SLC25A53: variants seen among roughly 807,000 people sequenced by gnomAD.
The protein encoded by SLC25A53 is mitochondrial carrier triple repeat protein 6.
Under a neutral mutation model 15.0 loss-of-function variants are expected in SLC25A53, and 5 were observed. The observed-to-expected ratio is 0.33, with a 90% CI of 0.17 to 0.70. The LOEUF (loss-of-function observed/expected upper bound fraction) is 0.70, where lower values mean the gene tolerates loss of function less well. Among genes scored for constraint, SLC25A53 ranks in the 30% least tolerant of loss-of-function variants. The pLI is 0.67. For synonymous variants in SLC25A53, 95 were observed against 100.0 expected (o/e 0.95, Z 0.30); for missense variants, 216 against 241.6 (o/e 0.89, Z 0.70).
chrX:104,138,416 G>T (rs2075442483), intron 1 of SLC25A53, among the ~76,000 whole-genome samples: 1 of 112,279 alleles, frequency 8.9e-6, no homozygotes, highest in Admixed American at 9.4e-5. Flanking sequence ...CTTCTTCAGT[G>T]CCCCACTGCT....
chrX:104,156,009 G>A (rs1013015583), intron 1 of SLC25A53, among the ~76,000 whole-genome samples: 23 of 100,825 alleles, frequency 2.3e-4, no homozygotes, highest in Admixed American at 6.7e-4. Context: ...CGGAGATCAC[G>A]CCACTGCATT....
rs189939925 is a variant in SLC25A53 at position 104,128,913 on chromosome X, C to T, written c.-31-23625G>A. Among the ~76,000 whole-genome samples the T allele has an allele frequency of 5.8e-3, 645 of 111,705 alleles. 3 individuals carry two copies. Among genetic ancestry groups the T allele is most frequent in the Non-Finnish European group, 8.7e-3 (462 of 53,116 alleles). Reference sequence around the variant, plus strand: ...CCTAGTGGAAATACAGGTTTAGATTCCTGGGAGCCTCTGGTTGCATTCCTT... The same window carrying T: ...CCTAGTGGAAATACAGGTTTAGATTTCTGGGAGCCTCTGGTTGCATTCCTT... On this transcript the variant is annotated intron_variant, in intron 1 of 1. Transcript: ENST00000594199.
chrX:104,148,100 A>G (rs1264982115), intron 1 of SLC25A53, among the ~76,000 whole-genome samples: 1 of 110,017 alleles, frequency 9.1e-6, no homozygotes, highest in Non-Finnish European at 1.9e-5. Flanking sequence ...GCACATATAC[A>G]CCATGGAATA....
intron 1 of SLC25A53, among the ~76,000 whole-genome samples, chrX:104,150,410 A>T: frequency 9.0e-6 from 1 of 111,150 alleles, no homozygotes; most frequent in Non-Finnish European, 1.9e-5. Flanking sequence ...GCAACCACTG[A>T]CATGTGGCAA....
At chrX:104,148,059 C>G (rs1158452132) in intron 1 of SLC25A53, among the ~76,000 whole-genome samples, 1 of 110,783 alleles carries the variant, frequency 9.0e-6, no homozygotes, top group Non-Finnish European at 1.9e-5. Flanking sequence ...CCCAAATGTC[C>G]AACAATGATA....
chrX:104,101,385 G>A lies in SLC25A53; in HGVS notation c.*2949C>T, dbSNP rs1262504751. 2 of 111,743 alleles carry A rather than the reference G, an allele frequency of 1.8e-5. No homozygotes were observed. Among genetic ancestry groups the A allele is most frequent in the Admixed American group, 9.5e-5 (1 of 10,575 alleles). 9.2% of individuals were successfully genotyped at this position (111,743 alleles called of 1,213,427 possible). On this transcript the variant is annotated 3_prime_UTR_variant, in exon 2 of 2. Coordinates refer to ENST00000594199, the MANE Select transcript of SLC25A53 (RefSeq NM_001012755.5). Reference sequence around the variant, plus strand: ...CATCCCTCTCCCCTCCCTGGAGGTCGGGAATGAGGCTGTTAAGTCCCAACC... The same window carrying A: ...CATCCCTCTCCCCTCCCTGGAGGTCAGGAATGAGGCTGTTAAGTCCCAACC...
intron 1 of SLC25A53, among the ~76,000 whole-genome samples, chrX:104,118,522 T>C (rs2075384607): frequency 8.8e-6 from 1 of 113,246 alleles, no homozygotes; most frequent in Non-Finnish European, 1.9e-5. Flanking sequence ...GCCAAGCCTT[T>C]AAAATGCATT....
chrX:104,099,718 G>A lies in SLC25A53; in HGVS notation c.*4616C>T, dbSNP rs2075273009. The A allele has an allele frequency of 9.0e-6, 1 of 111,683 alleles. No homozygotes were observed. Among genetic ancestry groups the A allele is most frequent in the South Asian group, 3.8e-4 (1 of 2,655 alleles). 9.2% of individuals were successfully genotyped at this position (111,683 alleles called of 1,213,427 possible). On this transcript the variant is annotated 3_prime_UTR_variant, in exon 2 of 2. Coordinates refer to ENST00000594199, the MANE Select transcript of SLC25A53 (RefSeq NM_001012755.5). ...ATTATTATTACAAAAGTCAGCATGG[G>A]GGCTACACCTAAGATGGAGGGAGCG...
chrX:104,118,473 G>C (rs2075384363), intron 1 of SLC25A53, among the ~76,000 whole-genome samples: 1 of 112,643 alleles, frequency 8.9e-6, no homozygotes, highest in African/African-American at 3.2e-5. Context: ...CACTGCAAGT[G>C]CGATTTATTC....
chrX:104,101,974 G>T lies in SLC25A53; in HGVS notation c.*2360C>A, dbSNP rs1219987575. On this transcript the variant is annotated 3_prime_UTR_variant, in exon 2 of 2. Transcript: ENST00000594199. ...AAGTGGAAATCACCAGTGTACTTGG[G>T]AGATGAATGCATCTTTTTCCTTTCC... is the stretch of plus-strand genomic sequence containing the variant. 3 of 112,234 alleles carry T rather than the reference G, an allele frequency of 2.7e-5. No individual in the cohort carries two copies. The highest frequency in any genetic ancestry group is 3.8e-5 in the Non-Finnish European group (2 of 53,239). 9.2% of individuals were successfully genotyped at this position (112,234 alleles called of 1,213,427 possible).
intron 1 of SLC25A53, among the ~76,000 whole-genome samples, chrX:104,130,159 C>G (rs937870966): frequency 1.6e-4 from 18 of 110,981 alleles, no homozygotes; most frequent in Admixed American, 5.8e-4. Flanking sequence ...GACCATACAT[C>G]CTTCTGGGGA....
rs907325269 is a variant in SLC25A53 at position 104,156,657 on chromosome X, G to A, written c.-32+221C>T. Among the ~76,000 whole-genome samples the A allele has an allele frequency of 1.0e-4, 11 of 109,950 alleles. No individual in the cohort carries two copies. The Admixed American group carries it at 1.1e-3, about 11-fold the overall frequency. On this transcript the variant is annotated intron_variant, in intron 1 of 1. Coordinates refer to ENST00000594199, the MANE Select transcript of SLC25A53 (RefSeq NM_001012755.5). ...TGTCCCCAGCTAAAAATAATGAGGGGATTCACACATCTCAGTGTCAACACA... is the reference window on the plus strand; with the variant it reads ...TGTCCCCAGCTAAAAATAATGAGGGAATTCACACATCTCAGTGTCAACACA...
At chrX:104,142,434 T>C (rs895817585) in intron 1 of SLC25A53, among the ~76,000 whole-genome samples, 1 of 111,959 alleles carries the variant, frequency 8.9e-6, no homozygotes, top group African/African-American at 3.3e-5. Context: ...ACACTAACGC[T>C]AGCCACGTGT....
chrX:104,115,742 A>G (rs1434793285), intron 1 of SLC25A53: 3 of 139,292 alleles, frequency 2.2e-5, no homozygotes, highest in African/African-American at 9.6e-5. Flanking sequence ...ATATGTATAG[A>G]TAAGAGTGAC....
At chrX:104,139,894 A>G (rs1056093476) in intron 1 of SLC25A53, among the ~76,000 whole-genome samples, 3 of 113,456 alleles carry the variant, frequency 2.6e-5, no homozygotes, top group Non-Finnish European at 5.6e-5. Flanking sequence ...TAAACACTCT[A>G]TGCAAGACAT....
chrX:104,121,886 T>TC (rs2075394231), intron 1 of SLC25A53, among the ~76,000 whole-genome samples: 480 of 4,867 alleles, frequency 0.099, 118 homozygotes, highest in South Asian at 0.17. Context: ...TATATATATA[T>TC]ATATATATAT....
At chrX:104,149,800 G>A (rs782279566) in intron 1 of SLC25A53, among the ~76,000 whole-genome samples, 19 of 111,601 alleles carry the variant, frequency 1.7e-4, no homozygotes, top group East Asian at 2.8e-4. Context: ...CAGGTACTAC[G>A]GTGGCCATCT....
chrX:104,149,797 T>C (rs2075479589), intron 1 of SLC25A53, among the ~76,000 whole-genome samples: 1 of 111,881 alleles, frequency 8.9e-6, no homozygotes, highest in Non-Finnish European at 1.9e-5. Flanking sequence ...TGACAGGTAC[T>C]ACGGTGGCCA....
chrX:104,124,266 GA>G (rs1420866426), intron 1 of SLC25A53, among the ~76,000 whole-genome samples: 1 of 112,168 alleles, frequency 8.9e-6, no homozygotes, highest in African/African-American at 3.2e-5. Context: ...TAACTGGCAT[GA>G]GATGGTATCT....
Sources: allele counts gnomAD v4.1 joint callset (sites outside exome capture counted in the v4.1 genomes callset), GRCh38; gene constraint gnomAD v4.1.1; transcripts MANE v1.5; gene names NCBI Gene and HGNC (gene_info 2026-07-23, HGNC 2026-07-21).